SLC12A6: variants seen among roughly 807,000 people sequenced by gnomAD.
SLC12A6 encodes the protein K-Cl cotransporter 3.
Under a neutral mutation model 135.3 loss-of-function variants are expected in SLC12A6, and 66 were observed. That is an observed-to-expected ratio of 0.49 (90% CI 0.40 to 0.60). The LOEUF is 0.60. SLC12A6 is among the 20% of genes least tolerant of loss of function. The pLI, the probability that SLC12A6 is intolerant of heterozygous loss-of-function variation, is 0.00. For synonymous variants in SLC12A6, 513 were observed against 508.8 expected (o/e 1.01, Z -0.11); for missense variants, 1,058 against 1,452.3 (o/e 0.73, Z 4.41).
chr15:34,231,396 G>A lies in SLC12A6; in HGVS notation c.*2485C>T, dbSNP rs1315949240. On this transcript the variant is annotated 3_prime_UTR_variant, in exon 26 of 26. Coordinates refer to ENST00000354181, the MANE Select transcript of SLC12A6 (RefSeq NM_001365088.1). Reference sequence around the variant, plus strand: ...AAAAAAAAGATACTGGATCCTGCAGGACATGACTCACTACTGTTAAACTCA... The same window carrying A: ...AAAAAAAAGATACTGGATCCTGCAGAACATGACTCACTACTGTTAAACTCA... 1 of 151,648 alleles carries A rather than the reference G, an allele frequency of 6.6e-6. No homozygotes were observed. Among genetic ancestry groups the A allele is most frequent in the Non-Finnish European group, 1.5e-5 (1 of 67,976 alleles). The allele number at this position is 151,648 out of a possible 1,614,324, so 9.4% of individuals were successfully genotyped here.
Position 34,336,587 on chromosome 15 carries a change from T to G in SLC12A6, c.94A>C (p.Ser32Arg). Residue 32 changes from serine to arginine, a missense_variant, in exon 2 of 26, where the codon AGT becomes CGT. Coordinates refer to ENST00000354181, the MANE Select transcript of SLC12A6 (RefSeq NM_001365088.1). Reference protein sequence around the residue: ...IDDIPGLSDTSPDLSSRSSSR... With the variant: ...IDDIPGLSDTRPDLSSRSSSR... The stretch of plus-strand genomic sequence containing the variant: ...CTAGATCGAGAGCTGAGGTCCGGAC[T>G]GGTGTCTGACAAACCTGGAATGTCA... The G allele has an allele frequency of 6.2e-7, 1 of 1,613,712 alleles. No individual in the cohort carries two copies.
intron 3 of SLC12A6, among the ~76,000 whole-genome samples, chr15:34,267,559 T>A (rs1044866168): frequency 3.3e-5 from 5 of 152,204 alleles, no homozygotes; most frequent in Admixed American, 1.3e-4. Context: ...CTGTCAGAGA[T>A]GTCTCCAGGC....
At chr15:34,253,312 G>A (rs17817818) in intron 9 of SLC12A6, among the ~76,000 whole-genome samples, 21,019 of 152,046 alleles carry the variant, frequency 0.14, 1,914 homozygotes, top group Middle Eastern at 0.24. Context: ...CATTATGACC[G>A]TGTACTAATC....
intron 2 of SLC12A6, among the ~76,000 whole-genome samples, chr15:34,278,727 C>T (rs1296745849): frequency 4.0e-5 from 6 of 151,774 alleles, no homozygotes; most frequent in African/African-American, 7.3e-5. Flanking sequence ...CCCACCACCA[C>T]GCCCAGCTAA....
At chr15:34,315,655 A>G (rs1367267176) in intron 2 of SLC12A6, among the ~76,000 whole-genome samples, 2 of 152,206 alleles carry the variant, frequency 1.3e-5, no homozygotes, top group Non-Finnish European at 2.9e-5. Context: ...AGTATAGTAT[A>G]AATAAATATC....
rs771379555 is a variant in SLC12A6, at chr15:34,237,443, C to T, written c.2910G>A (p.Glu970=). Residue 970 remains glutamate, a synonymous_variant, in exon 22 of 26, where the codon GAG becomes GAA. Transcript: ENST00000354181. ...LATFLYHLRI[E]AEVEVVEMHD... is the part of the protein sequence containing the mutation. Reference sequence around the variant, plus strand: ...CCATCTCCACCACTTCTACCTCCGCCTCAATGCGTAAGTGATATAGGAAGG... The same window carrying T: ...CCATCTCCACCACTTCTACCTCCGCTTCAATGCGTAAGTGATATAGGAAGG... 1.2e-6 allele frequency: 2 copies of T among 1,613,256 alleles called. No individual in the cohort carries two copies. Among genetic ancestry groups the T allele is most frequent in the Non-Finnish European group, 1.7e-6 (2 of 1,179,464 alleles).
chr15:34,231,983 A>G lies in SLC12A6; in HGVS notation c.*1898T>C, dbSNP rs1413464175. 1 of 152,172 alleles carries G rather than the reference A, an allele frequency of 6.6e-6. No homozygotes were observed. The highest frequency in any genetic ancestry group is 1.5e-5 in the Non-Finnish European group (1 of 68,040). 9.4% of individuals were successfully genotyped at this position (152,172 alleles called of 1,614,324 possible). On this transcript the variant is annotated 3_prime_UTR_variant, in exon 26 of 26. Transcript: ENST00000354181. ...TGTGACACCTAGGTCAGCTTGCTCC[A>G]TGTCCTATTTAGTAATCAAAGAAGA... is the stretch of plus-strand genomic sequence containing the variant.
intron 2 of SLC12A6, among the ~76,000 whole-genome samples, chr15:34,314,049 A>ATTTTT (rs199648925): frequency 7.1e-6 from 1 of 140,518 alleles, no homozygotes; most frequent in South Asian, 2.3e-4. Flanking sequence ...TGGTTTATTG[A>ATTTTT]TTTTTTTTTT....
intron 2 of SLC12A6, among the ~76,000 whole-genome samples, chr15:34,324,597 T>C (rs1889340896): frequency 6.7e-6 from 1 of 150,204 alleles, no homozygotes; most frequent in Non-Finnish European, 1.5e-5. Flanking sequence ...CTGTTCTGTT[T>C]TATTAAACCC....
At chr15:34,322,310 G>C (rs1889148653) in intron 2 of SLC12A6, among the ~76,000 whole-genome samples, 1 of 152,010 alleles carries the variant, frequency 6.6e-6, no homozygotes, top group Non-Finnish European at 1.5e-5. Flanking sequence ...GAACCCGGGA[G>C]GCAGAGGTTG....
intron 3 of SLC12A6, among the ~76,000 whole-genome samples, chr15:34,263,164 A>G (rs1199508911): frequency 6.6e-6 from 1 of 152,202 alleles, no homozygotes; most frequent in African/African-American, 2.4e-5. Context: ...TCATGCCTGT[A>G]ATCCTAGAAC....
At chr15:34,282,874 T>C (rs1169388159) in intron 2 of SLC12A6, among the ~76,000 whole-genome samples, 3 of 152,368 alleles carry the variant, frequency 2.0e-5, no homozygotes, top group Non-Finnish European at 2.9e-5. Context: ...GCTGAGATTC[T>C]GTAGTTTTAC....
intron 2 of SLC12A6, among the ~76,000 whole-genome samples, chr15:34,295,260 A>G (rs558215705): frequency 5.2e-4 from 79 of 152,356 alleles, no homozygotes; most frequent in Non-Finnish European, 9.3e-4. Flanking sequence ...GACATGAGGC[A>G]GAGTGAAAAG....
chr15:34,252,547 A>G lies in SLC12A6; in HGVS notation c.1119-163T>C, dbSNP rs370386453. ...TTATTTATTTATAATTTATTTTAAC[A>G]CTGTGAATGGTGACTTACATTTTCT... On this transcript the variant is annotated intron_variant, in intron 9 of 25. Coordinates refer to ENST00000354181, the MANE Select transcript of SLC12A6 (RefSeq NM_001365088.1). Among the ~76,000 whole-genome samples, 37 of 152,340 alleles carry G rather than the reference A, an allele frequency of 2.4e-4. No individual in the cohort carries two copies. In the East Asian group the frequency reaches 3.9e-3, roughly 16 times the overall value.
chr15:34,230,038 G>A lies in SLC12A6; in HGVS notation c.*3843C>T. On this transcript the variant is annotated 3_prime_UTR_variant, in exon 26 of 26. Coordinates refer to ENST00000354181, the MANE Select transcript of SLC12A6 (RefSeq NM_001365088.1). ...ACTTTATTTTTGTTTCCAGTACAGA[G>A]CAAAACAACAACAAAAAAACATAAC... 2.2e-6 allele frequency: 1 copy of A among 464,678 alleles called. No individual in the cohort carries two copies. The highest frequency in any genetic ancestry group is 4.1e-5 in the South Asian group (1 of 24,224). 28.8% of individuals were successfully genotyped at this position (464,678 alleles called of 1,614,324 possible). A position where few individuals can be genotyped will look rare whatever the true frequency, so the allele number is the denominator to read the frequency against.
chr15:34,240,686 T>G lies in SLC12A6; in HGVS notation c.2411A>C (p.Tyr804Ser), dbSNP rs1409307657. The G allele has an allele frequency of 1.2e-6, 2 of 1,613,944 alleles. No homozygotes were observed. Among genetic ancestry groups the G allele is most frequent in the African/African-American group, 2.7e-5 (2 of 74,918 alleles). ...CTGCTCAGCAGCTAAAGCTTCACCG[T>G]AGTTCTCTAGGAAGTTCCCCACGAT... The part of the protein sequence containing the change: ...SVIVGNFLEN[Y>S]GEALAAEQTI... The change falls in exon 19 of 26, where the codon TAC becomes TCC. Residue 804 changes from tyrosine (Y) to serine (S), a missense_variant. Physicochemically the swap from Tyr to Ser is moderately radical, Grantham distance 144. Transcript: ENST00000354181.
chr15:34,252,153 A>G lies in SLC12A6; in HGVS notation c.1333+17T>C. On this transcript the variant is annotated intron_variant, in intron 10 of 25. Transcript: ENST00000354181. Reference sequence around the variant, plus strand: ...CAGAAAATAGGAAAAAACTTGTCCAATAACTCCCTAACTTACCTGTAATTA... The same window carrying G: ...CAGAAAATAGGAAAAAACTTGTCCAGTAACTCCCTAACTTACCTGTAATTA... 1 of 1,366,558 alleles carries G rather than the reference A, an allele frequency of 7.3e-7. No homozygotes were observed. Among genetic ancestry groups the G allele is most frequent in the Non-Finnish European group, 1.0e-6 (1 of 954,912 alleles). The allele number at this position is 1,366,558 out of a possible 1,614,324, so 84.7% of individuals were successfully genotyped here.
intron 1 of SLC12A6, 184 bp downstream of exon 1, chr15:34,337,148 G>A (rs927795491): frequency 3.8e-6 from 1 of 263,746 alleles, no homozygotes; most frequent in Non-Finnish European, 7.5e-6. Context: ...CCTTTATCAG[G>A]CGACTATAGC....
intron 2 of SLC12A6, among the ~76,000 whole-genome samples, chr15:34,290,678 A>G (rs1457505846): frequency 6.6e-6 from 1 of 152,204 alleles, no homozygotes; most frequent in Non-Finnish European, 1.5e-5. Context: ...GTGCATATAC[A>G]TTTAGGATAG....
Sources: allele counts gnomAD v4.1 joint callset (sites outside exome capture counted in the v4.1 genomes callset), GRCh38; gene constraint gnomAD v4.1.1; transcripts MANE v1.5; gene names NCBI Gene and HGNC (gene_info 2026-07-23, HGNC 2026-07-21).